The following KCNQ3 variants were observed in gnomAD, a reference collection of about 807,000 sequenced individuals.
KCNQ3 encodes potassium voltage-gated channel subfamily Q member 3, also known as potassium voltage-gated channel subfamily KQT member 3.
Under a neutral mutation model 92.5 loss-of-function variants are expected in KCNQ3, and 30 were observed. The ratio of observed to expected loss-of-function variants is 0.32; its 90% CI spans 0.24 to 0.44. The LOEUF (loss-of-function observed/expected upper bound fraction) is 0.44, where lower values mean the gene tolerates loss of function less well. Among genes scored for constraint, KCNQ3 ranks in the 20% least tolerant of loss-of-function variants. The pLI is 1.00. For synonymous variants in KCNQ3, 450 were observed against 468.8 expected (o/e 0.96, Z 0.52); for missense variants, 913 against 1,140.3 (o/e 0.80, Z 2.87).
intron 1 of KCNQ3, among the ~76,000 whole-genome samples, chr8:132,378,782 A>G (rs754700080): frequency 1.3e-5 from 2 of 152,226 alleles, no homozygotes; most frequent in African/African-American, 2.4e-5. Flanking sequence ...CATGTGGTCA[A>G]TTCTGGGCAA....
At chr8:132,172,723 C>A in intron 6 of KCNQ3, 30 bp from the exon 7 acceptor site, 2 of 1,537,454 alleles carry the variant, frequency 1.3e-6, no homozygotes, top group Middle Eastern at 1.7e-4. Flanking sequence ...GGCAGTCAGC[C>A]CCCAGCTAGA....
At chr8:132,423,698 A>T (rs961620583) in intron 1 of KCNQ3, among the ~76,000 whole-genome samples, 1 of 152,178 alleles carries the variant, frequency 6.6e-6, no homozygotes, top group African/African-American at 2.4e-5. Context: ...TGAGTAATTC[A>T]GCCGAGGTCA....
intron 1 of KCNQ3, among the ~76,000 whole-genome samples, chr8:132,393,184 T>C (rs969342257): frequency 6.6e-6 from 1 of 152,174 alleles, no homozygotes; most frequent in Non-Finnish European, 1.5e-5. Context: ...TCTATCTAAA[T>C]AGCCATCCAC....
At chr8:132,379,966 T>A (rs1819702933) in intron 1 of KCNQ3, among the ~76,000 whole-genome samples, 2 of 151,970 alleles carry the variant, frequency 1.3e-5, no homozygotes, top group Admixed American at 1.3e-4. Flanking sequence ...CCTGGGGTAT[T>A]ATTATTAGTT....
chr8:132,415,693 G>A (rs2597331), intron 1 of KCNQ3, among the ~76,000 whole-genome samples: 34,064 of 151,928 alleles, frequency 0.22, 4,293 homozygotes, highest in African/African-American at 0.34. Flanking sequence ...ATGGCCATCA[G>A]AGAGAGATAA....
intron 1 of KCNQ3, among the ~76,000 whole-genome samples, chr8:132,332,684 GC>G (rs1818263142): frequency 6.6e-6 from 1 of 152,180 alleles, no homozygotes; most frequent in South Asian, 2.1e-4. Flanking sequence ...ATAATGTCAA[GC>G]CAATTGAGCT....
rs1824685694 is a variant in KCNQ3, at chr8:132,126,800, T to C, written c.*2462A>G. On this transcript the variant is annotated 3_prime_UTR_variant, in exon 15 of 15. Transcript: ENST00000388996. Reference sequence around the variant, plus strand: ...AAAGAATCTAAGGTAGTTCCTCCAATTTTGGATCAATGGTAAATACTTTAA... The same window carrying C: ...AAAGAATCTAAGGTAGTTCCTCCAACTTTGGATCAATGGTAAATACTTTAA... The C allele has an allele frequency of 6.6e-6, 1 of 152,188 alleles. No homozygotes were observed. The highest frequency in any genetic ancestry group is 2.4e-5 in the African/African-American group (1 of 41,448). 9.4% of individuals were successfully genotyped at this position (152,188 alleles called of 1,614,324 possible). A position where few individuals can be genotyped will look rare whatever the true frequency, so the allele number is the denominator to read the frequency against.
intron 1 of KCNQ3, among the ~76,000 whole-genome samples, chr8:132,310,822 T>G (rs1233740445): frequency 6.6e-6 from 1 of 152,220 alleles, no homozygotes; most frequent in Non-Finnish European, 1.5e-5. Context: ...GAATGGATTC[T>G]TTGAAAAATT....
intron 1 of KCNQ3, among the ~76,000 whole-genome samples, chr8:132,478,172 G>A (rs1587057810): frequency 6.6e-6 from 1 of 152,178 alleles, no homozygotes; most frequent in South Asian, 2.1e-4. Flanking sequence ...ACAGGCTCCA[G>A]GTTTTGGCAT....
chr8:132,161,991 A>G (rs1461854908), intron 9 of KCNQ3, among the ~76,000 whole-genome samples: 1 of 152,226 alleles, frequency 6.6e-6, no homozygotes, highest in East Asian at 1.9e-4. Context: ...AGTGACTTAC[A>G]TAATGACTTT....
chr8:132,250,591 G>A (rs1815372812), intron 1 of KCNQ3, among the ~76,000 whole-genome samples: 1 of 152,094 alleles, frequency 6.6e-6, no homozygotes, highest in South Asian at 2.1e-4. Context: ...GGTCTCAGTG[G>A]CCTAGTTGTA....
At chr8:132,205,097 G>C (rs907754516) in intron 1 of KCNQ3, among the ~76,000 whole-genome samples, 1 of 152,112 alleles carries the variant, frequency 6.6e-6, no homozygotes, top group Non-Finnish European at 1.5e-5. Context: ...CATTTTTATT[G>C]ATGTCTTCCT....
At chr8:132,447,381 G>A in intron 1 of KCNQ3, 2 of 763,706 alleles carry the variant, frequency 2.6e-6, no homozygotes, top group South Asian at 1.6e-5. Flanking sequence ...CACAGATGTG[G>A]AGAAGACACT....
chr8:132,429,932 C>T (rs146474480), intron 1 of KCNQ3, among the ~76,000 whole-genome samples: 166 of 152,048 alleles, frequency 1.1e-3, no homozygotes, highest in African/African-American at 3.9e-3. Context: ...TCTGCTCACA[C>T]CTTAGACCAC....
At chr8:132,428,746 C>A (rs1821172397) in intron 1 of KCNQ3, among the ~76,000 whole-genome samples, 1 of 152,194 alleles carries the variant, frequency 6.6e-6, no homozygotes, top group African/African-American at 2.4e-5. Context: ...TACTTAAGTG[C>A]AGTTTAGAGC....
chr8:132,218,518 T>A (rs1199822604), intron 1 of KCNQ3, among the ~76,000 whole-genome samples: 3 of 152,162 alleles, frequency 2.0e-5, no homozygotes, highest in Non-Finnish European at 4.4e-5. Context: ...AGATGGAGAT[T>A]TATAAAGAGA....
At chr8:132,235,909 C>G (rs887920839) in intron 1 of KCNQ3, among the ~76,000 whole-genome samples, 1 of 152,126 alleles carries the variant, frequency 6.6e-6, no homozygotes, top group Non-Finnish European at 1.5e-5. Context: ...AGCACTTAAC[C>G]CTGTCTGAAA....
chr8:132,250,127 T>A (rs996458442), intron 1 of KCNQ3, among the ~76,000 whole-genome samples: 10 of 151,968 alleles, frequency 6.6e-5, no homozygotes, highest in Non-Finnish European at 1.5e-5. Context: ...AGGCTGAAGG[T>A]CTCCTCAAGC....
rs1156319606 is a variant in KCNQ3, at chr8:132,464,049, G to GT, written c.386+16097dup. 3.2e-4 allele frequency among the ~76,000 whole-genome samples: 49 copies of GT among 152,206 alleles called. 1 individual carries two copies. The highest frequency in any genetic ancestry group is 3.2e-3 in the Admixed American group (49 of 15,280). ...AAAGTACAAAAATTAGCTGGGTGTG[G>GT]TGGCGGGCGCCTGTAATCCCAGCTA... On this transcript the variant is annotated intron_variant, in intron 1 of 14. Coordinates refer to ENST00000388996, the MANE Select transcript of KCNQ3 (RefSeq NM_004519.4).
Sources: gnomAD v4.1 joint callset for allele counts (sites outside exome capture counted in the v4.1 genomes callset) on GRCh38, gnomAD v4.1.1 for gene constraint, MANE v1.5 for transcripts, NCBI Gene and HGNC (gene_info 2026-07-23, HGNC 2026-07-21) for gene names.